Variants in FAM168B observed in about 807,000 individuals in gnomAD.
FAM168B encodes myelin-associated neurite-outgrowth inhibitor.
In FAM168B, 19 loss-of-function variants were observed where a neutral mutation model predicts 21.8. The observed-to-expected ratio is 0.87, with a 90% confidence interval of 0.61 to 1.28. The LOEUF (loss-of-function observed/expected upper bound fraction) is 1.28, where lower values mean the gene tolerates loss of function less well. Among genes scored for constraint, FAM168B ranks in the 50% most tolerant of loss-of-function variants. FAM168B has a pLI of 0.00. For missense variants in FAM168B, 233 were observed against 263.1 expected (o/e 0.89, Z 0.79); for synonymous variants, 126 against 104.8 (o/e 1.20, Z -1.24).
chr2:131,049,776 A>C lies in FAM168B; in HGVS notation c.*2689T>G. 1.0e-6 allele frequency: 1 copy of C among 985,870 alleles called. No individual in the cohort carries two copies. The highest frequency in any genetic ancestry group is 1.2e-6 in the Non-Finnish European group (1 of 829,942). The allele number at this position is 985,870 out of a possible 1,614,324, so 61.1% of individuals were successfully genotyped here. A position where few individuals can be genotyped will look rare whatever the true frequency, so the allele number is the denominator to read the frequency against. On this transcript the variant is annotated 3_prime_UTR_variant, in exon 7 of 7. Transcript: ENST00000389915. Reference sequence around the variant, plus strand: ...AAATTAGGAATGTCAAACACACAAAAAGCAAATTTCTCAGAATGCTCCACC... The same window carrying C: ...AAATTAGGAATGTCAAACACACAAACAGCAAATTTCTCAGAATGCTCCACC...
At position 131,048,724 on chromosome 2, in the gene FAM168B, C is replaced by T; in HGVS notation, c.*3741G>A. 2.0e-6 allele frequency: 2 copies of T among 987,640 alleles called. No homozygotes were observed. Among genetic ancestry groups the T allele is most frequent in the Non-Finnish European group, 2.4e-6 (2 of 831,182 alleles). The allele number at this position is 987,640 out of a possible 1,614,324, so 61.2% of individuals were successfully genotyped here. On this transcript the variant is annotated 3_prime_UTR_variant, in exon 7 of 7. Transcript: ENST00000389915. ...GGGAACACTCACAAATGCAGAGGTA[C>T]TAGAGGGGAGAAATACGTGCTCTGC...
chr2:131,092,379 T>C (rs1484136731), intron 1 of FAM168B, among the ~76,000 whole-genome samples: 1 of 152,200 alleles, frequency 6.6e-6, no homozygotes, highest in Non-Finnish European at 1.5e-5. Context: ...CTACAAGAGC[T>C]TAAAAATGTG....
chr2:131,079,120 G>A (rs531319828), intron 2 of FAM168B, among the ~76,000 whole-genome samples: 1 of 152,186 alleles, frequency 6.6e-6, no homozygotes, highest in South Asian at 2.1e-4. Context: ...ATCTTGAGAT[G>A]AGGTCATTCT....
chr2:131,052,999 A>G lies in FAM168B; in HGVS notation c.492T>C (p.Ala164=). ...GGGGGGCGACAGGAGTTGGGGAGTG[A>G]GCAGTCAGCAGGGTACCTGGAAGAA... ...MAMSAGTLLT[A]HSPTPVAPHP... is the part of the protein sequence containing the mutation. Residue 164 remains alanine, a synonymous_variant, in exon 6 of 7, where the codon GCT becomes GCC. Coordinates refer to ENST00000389915, the MANE Select transcript of FAM168B (RefSeq NM_001009993.4). 1.3e-6 allele frequency: 2 copies of G among 1,552,718 alleles called. No homozygotes were observed. Among genetic ancestry groups the G allele is most frequent in the Non-Finnish European group, 1.7e-6 (2 of 1,147,772 alleles).
chr2:131,089,997 A>C (rs1486745588), intron 1 of FAM168B, among the ~76,000 whole-genome samples: 1 of 148,628 alleles, frequency 6.7e-6, no homozygotes, highest in African/African-American at 2.5e-5. Flanking sequence ...ATACCACTGC[A>C]CTCCAGCCTG....
At chr2:131,056,035 A>G (rs1692004214) in intron 3 of FAM168B, among the ~76,000 whole-genome samples, 2 of 152,348 alleles carry the variant, frequency 1.3e-5, no homozygotes, top group South Asian at 4.1e-4. Flanking sequence ...TAAACTTGGC[A>G]TCTAAAGTAT....
At chr2:131,078,903 T>C (rs566107434) in intron 2 of FAM168B, among the ~76,000 whole-genome samples, 10 of 151,812 alleles carry the variant, frequency 6.6e-5, no homozygotes, top group African/African-American at 2.4e-4. Context: ...GGAGGATCCC[T>C]TGAGTCCAAG....
At position 131,071,891 on chromosome 2, in the gene FAM168B, TAGG is replaced by T. The variant is rs769074652; in HGVS notation, c.115_117del (p.Pro39del). The stretch of plus-strand genomic sequence containing the variant: ...GTAGGATTCGCTCCAGGATACATGT[TAGG>T]AGAATAGGCAGGAGCTGCTGCTGCA... On this transcript the variant is annotated inframe_deletion, in exon 3 of 7. Coordinates refer to ENST00000389915, the MANE Select transcript of FAM168B (RefSeq NM_001009993.4). The T allele has an allele frequency of 5.6e-6, 9 of 1,613,978 alleles. No homozygotes were observed. In the African/African-American group the frequency reaches 1.1e-4, roughly 19 times the overall value.
chr2:131,077,039 C>T (rs1282692450), intron 2 of FAM168B, among the ~76,000 whole-genome samples: 1 of 152,032 alleles, frequency 6.6e-6, no homozygotes, highest in Non-Finnish European at 1.5e-5. Context: ...GCAACCCCAG[C>T]TCTAGGAACC....
At chr2:131,062,249 G>A (rs1573766620) in intron 3 of FAM168B, among the ~76,000 whole-genome samples, 2 of 152,170 alleles carry the variant, frequency 1.3e-5, no homozygotes, top group East Asian at 3.9e-4. Flanking sequence ...TCCAAAGAGG[G>A]AGTCTCTCAG....
At position 131,054,966 on chromosome 2, in the gene FAM168B, T is replaced by TCCTCCTTCTA. The variant is rs1266106812; in HGVS notation, c.475+296_475+305dup. Among the ~76,000 whole-genome samples the TCCTCCTTCTA allele has an allele frequency of 2.5e-4, 38 of 152,022 alleles. 1 individual carries two copies. In the South Asian group the frequency reaches 4.6e-3, roughly 18 times the overall value. On this transcript the variant is annotated intron_variant, in intron 5 of 6. Transcript: ENST00000389915. The stretch of plus-strand genomic sequence containing the variant: ...CAGAGCAACCCCGGTACACAAAGTG[T>TCCTCCTTCTA]CCTCCTTCTACTCAAGTCTTACATG...
chr2:131,048,454 C>T lies in FAM168B; in HGVS notation c.*4011G>A. ...GCCGCTCATCCTCTGTCTCCCCTTC[C>T]CAAGTGACTTCACTTCAGTCCTGTG... On this transcript the variant is annotated 3_prime_UTR_variant, in exon 7 of 7. Transcript: ENST00000389915. 2.5e-6 allele frequency: 3 copies of T among 1,190,364 alleles called. No individual in the cohort carries two copies. The highest frequency in any genetic ancestry group is 3.2e-6 in the Non-Finnish European group (3 of 928,658). The allele number at this position is 1,190,364 out of a possible 1,614,324, so 73.7% of individuals were successfully genotyped here. A position where few individuals can be genotyped will look rare whatever the true frequency, so the allele number is the denominator to read the frequency against.
chr2:131,058,302 TATCA>T (rs1692125510), intron 3 of FAM168B, among the ~76,000 whole-genome samples: 1 of 152,144 alleles, frequency 6.6e-6, no homozygotes, highest in Non-Finnish European at 1.5e-5. Flanking sequence ...CTGCACACTG[TATCA>T]ATTAAGCAAC....
Position 131,071,905 on chromosome 2 carries a change from G to A in FAM168B, c.104C>T (p.Pro35Leu). 1 of 1,614,078 alleles carries A rather than the reference G, an allele frequency of 6.2e-7. No individual in the cohort carries two copies. Among genetic ancestry groups the A allele is most frequent in the Non-Finnish European group, 8.5e-7 (1 of 1,179,982 alleles). ...AGGATACATGTTAGGAGAATAGGCA[G>A]GAGCTGCTGCTGCATAGCCCATGGG... Reference protein sequence around the residue: ...GFPMGYAAAAPAYSPNMYPGA... With the variant: ...GFPMGYAAAALAYSPNMYPGA... The change falls in exon 3 of 7, where the codon CCT becomes CTT. Residue 35 changes from proline to leucine, a missense_variant. Physicochemically the swap from Pro to Leu is moderately conservative, Grantham distance 98. Transcript: ENST00000389915.
intron 2 of FAM168B, among the ~76,000 whole-genome samples, chr2:131,077,024 A>C (rs1030945041): frequency 6.6e-6 from 1 of 152,004 alleles, no homozygotes; most frequent in Non-Finnish European, 1.5e-5. Context: ...TTGCTCTCTG[A>C]CCCAGCAACC....
chr2:131,077,526 C>G (rs1373983218), intron 2 of FAM168B, among the ~76,000 whole-genome samples: 1 of 152,194 alleles, frequency 6.6e-6, no homozygotes, highest in Admixed American at 6.5e-5. Flanking sequence ...TGATAGCCCC[C>G]CCAAAATGTT....
Position 131,055,119 on chromosome 2 carries a change from T to C in FAM168B, c.475+153A>G, listed in dbSNP as rs13385205. Among the ~76,000 whole-genome samples the C allele has an allele frequency of 7.9e-3, 1,201 of 152,286 alleles. 17 individuals are homozygous for C. The highest frequency in any genetic ancestry group is 0.028 in the African/African-American group (1,157 of 41,540). ...TCACTCAGGTAGGCAAAATAAAAGA[T>C]AACCTGCTGTTTCTTCCCCAAAGAA... is the stretch of plus-strand genomic sequence containing the variant. On this transcript the variant is annotated intron_variant, in intron 5 of 6. Transcript: ENST00000389915.
chr2:131,056,291 A>G (rs1241704898), intron 3 of FAM168B, among the ~76,000 whole-genome samples: 5 of 152,336 alleles, frequency 3.3e-5, no homozygotes, highest in African/African-American at 1.2e-4. Context: ...ATGACATGAA[A>G]ATGACAATAA....
rs959027352 is a variant in FAM168B, at chr2:131,050,720, T to TC, written c.*1744dup. 7 of 985,078 alleles carry TC rather than the reference T, an allele frequency of 7.1e-6. No individual in the cohort carries two copies. Among genetic ancestry groups the TC allele is most frequent in the East Asian group, 1.1e-4 (1 of 8,814 alleles). The allele number at this position is 985,078 out of a possible 1,614,324, so 61.0% of individuals were successfully genotyped here. A position where few individuals can be genotyped will look rare whatever the true frequency, so the allele number is the denominator to read the frequency against. Reference sequence around the variant, plus strand: ...TTACCAAAGGCTCAGTGGTCAGGTGTCCCCCCACCAACCAACTGGGGCAGA... The same window carrying TC: ...TTACCAAAGGCTCAGTGGTCAGGTGTCCCCCCCACCAACCAACTGGGGCAGA... On this transcript the variant is annotated 3_prime_UTR_variant, in exon 7 of 7. Transcript: ENST00000389915.
Sources: allele counts gnomAD v4.1 joint callset (sites outside exome capture counted in the v4.1 genomes callset), GRCh38; gene constraint gnomAD v4.1.1; transcripts MANE v1.5; gene names NCBI Gene and HGNC (gene_info 2026-07-23, HGNC 2026-07-21).